The following PLPP4 variants were observed in gnomAD, a reference collection of about 807,000 sequenced individuals.
The protein encoded by PLPP4 is phospholipid phosphatase 4, also known as diacylglycerol pyrophosphate like 2.
PLPP4 carries 20 observed loss-of-function variants against 32.2 expected under a neutral mutation model. The observed-to-expected ratio is 0.62, with a 90% confidence interval of 0.44 to 0.90. The LOEUF is 0.90. Among genes scored for constraint, PLPP4 ranks in the 40% least tolerant of loss-of-function variants. The probability of loss-of-function intolerance (pLI) is 0.00; values close to 1 mark genes in which losing one functional copy is unlikely to be tolerated. For synonymous variants in PLPP4, 127 were observed against 133.0 expected (o/e 0.95, Z 0.31); for missense variants, 257 against 353.1 (o/e 0.73, Z 2.18).
At chr10:120,572,015 G>A (rs1564848194) in intron 5 of PLPP4, among the ~76,000 whole-genome samples, 1 of 152,196 alleles carries the variant, frequency 6.6e-6, no homozygotes, top group Admixed American at 6.5e-5. Context: ...CAAAGGCCCA[G>A]TAGCGTGTGG....
intron 1 of PLPP4, among the ~76,000 whole-genome samples, chr10:120,457,825 C>A (rs1847860623): frequency 6.6e-6 from 1 of 152,190 alleles, no homozygotes; most frequent in East Asian, 1.9e-4. Flanking sequence ...CTTTAGCGCC[C>A]GCGGTCCTGG....
intron 5 of PLPP4, among the ~76,000 whole-genome samples, chr10:120,531,931 T>A (rs1253617642): frequency 6.6e-6 from 1 of 151,868 alleles, no homozygotes; most frequent in African/African-American, 2.4e-5. Flanking sequence ...TATTTTATAC[T>A]TTTAAGTTCT....
At chr10:120,585,742 T>A (rs1409902080) in intron 6 of PLPP4, among the ~76,000 whole-genome samples, 1 of 152,196 alleles carries the variant, frequency 6.6e-6, no homozygotes, top group Admixed American at 6.5e-5. Context: ...GGGGTGAGGA[T>A]AAGTGGTGGT....
At chr10:120,553,356 G>C (rs1305738037) in intron 5 of PLPP4, among the ~76,000 whole-genome samples, 1 of 152,134 alleles carries the variant, frequency 6.6e-6, no homozygotes, top group Non-Finnish European at 1.5e-5. Flanking sequence ...AATGGGATTA[G>C]TGCCCTCCTA....
chr10:120,521,217 C>A (rs927486896), intron 5 of PLPP4, 122 bp downstream of exon 5: 49 of 1,214,630 alleles, frequency 4.0e-5, no homozygotes, highest in Admixed American at 5.3e-5. Context: ...CATTTTTCTT[C>A]ACTTTACGGC....
rs1849964505 is a variant in PLPP4 at position 120,590,615 on chromosome 10, T to C, written c.*1113T>C. The stretch of plus-strand genomic sequence containing the variant: ...CAGTCAATATGAACCTTTTTCAGTC[T>C]GAGTATAGAGCACGCTGCTCCTTGG... On this transcript the variant is annotated 3_prime_UTR_variant, in exon 7 of 7. Coordinates refer to ENST00000398250, the MANE Select transcript of PLPP4 (RefSeq NM_001030059.3). 1.3e-5 allele frequency among the ~76,000 whole-genome samples: 2 copies of C among 152,150 alleles called. No homozygotes were observed. Among genetic ancestry groups the C allele is most frequent in the Admixed American group, 6.5e-5 (1 of 15,284 alleles).
chr10:120,521,793 C>CAT (rs1564813049), intron 5 of PLPP4, among the ~76,000 whole-genome samples: 1 of 152,202 alleles, frequency 6.6e-6, no homozygotes, highest in Non-Finnish European at 1.5e-5. Context: ...TGGTGATGAT[C>CAT]GCTCACATTT....
rs1195893715 is a variant in PLPP4 at position 120,589,767 on chromosome 10, C to T, written c.*265C>T. ...TGGGGTTTGGGGAGCTTGGCCGATTCGTCTATCTGAAATGTTTGCTGTAAC... is the reference window on the plus strand; with the variant it reads ...TGGGGTTTGGGGAGCTTGGCCGATTTGTCTATCTGAAATGTTTGCTGTAAC... On this transcript the variant is annotated 3_prime_UTR_variant, in exon 7 of 7. Coordinates refer to ENST00000398250, the MANE Select transcript of PLPP4 (RefSeq NM_001030059.3). 1 of 414,688 alleles carries T rather than the reference C, an allele frequency of 2.4e-6. No homozygotes were observed. Among genetic ancestry groups the T allele is most frequent in the Non-Finnish European group, 4.3e-6 (1 of 232,290 alleles). The allele number at this position is 414,688 out of a possible 1,614,324, so 25.7% of individuals were successfully genotyped here.
chr10:120,477,130 C>T (rs997798613), intron 1 of PLPP4, among the ~76,000 whole-genome samples: 1 of 151,322 alleles, frequency 6.6e-6, no homozygotes, highest in African/African-American at 2.4e-5. Context: ...TCAAGAGGCT[C>T]GGACGAAGCT....
chr10:120,557,129 C>T (rs1848198231), intron 5 of PLPP4, among the ~76,000 whole-genome samples: 1 of 152,096 alleles, frequency 6.6e-6, no homozygotes, highest in African/African-American at 2.4e-5. Flanking sequence ...TCATGCTGAC[C>T]ATCGTAACAA....
At chr10:120,548,022 A>T (rs1197131522) in intron 5 of PLPP4, among the ~76,000 whole-genome samples, 2 of 152,090 alleles carry the variant, frequency 1.3e-5, no homozygotes, top group African/African-American at 2.4e-5. Context: ...GACCATGATG[A>T]TTGGTGTTAG....
intron 5 of PLPP4, among the ~76,000 whole-genome samples, chr10:120,573,947 C>T (rs904230781): frequency 1.3e-5 from 2 of 152,146 alleles, no homozygotes; most frequent in Admixed American, 1.3e-4. Context: ...ATTTATAATA[C>T]TCGTTTTGCC....
chr10:120,576,733 G>A lies in PLPP4; in HGVS notation c.616+1432G>A, dbSNP rs931186419. 5.8e-4 allele frequency among the ~76,000 whole-genome samples: 88 copies of A among 152,196 alleles called. 1 individual carries two copies. The highest frequency in any genetic ancestry group is 1.6e-4 in the Non-Finnish European group (11 of 68,040). ...TGGGGGAGGTCAGAAGAGGGTCACA[G>A]GTCTGAACCTGCCCTTGTTCTGTTT... is the stretch of plus-strand genomic sequence containing the variant. On this transcript the variant is annotated intron_variant, in intron 6 of 6. Transcript: ENST00000398250.
At chr10:120,565,430 C>T (rs950609596) in intron 5 of PLPP4, among the ~76,000 whole-genome samples, 10 of 151,268 alleles carry the variant, frequency 6.6e-5, no homozygotes, top group African/African-American at 2.4e-4. Context: ...TGGCCTTATT[C>T]AATATGGAAT....
chr10:120,497,227 G>C (rs1845012347), intron 1 of PLPP4, among the ~76,000 whole-genome samples: 2 of 152,164 alleles, frequency 1.3e-5, no homozygotes, highest in Non-Finnish European at 2.9e-5. Context: ...AAGGGGAGGG[G>C]TGTGTGGTTT....
At chr10:120,543,166 C>T (rs1010611688) in intron 5 of PLPP4, among the ~76,000 whole-genome samples, 2 of 152,196 alleles carry the variant, frequency 1.3e-5, no homozygotes, top group Admixed American at 6.5e-5. Context: ...AAGTGAGTAA[C>T]ATCACAGGGG....
At chr10:120,555,498 G>A (rs1848120390) in intron 5 of PLPP4, among the ~76,000 whole-genome samples, 1 of 152,204 alleles carries the variant, frequency 6.6e-6, no homozygotes, top group Non-Finnish European at 1.5e-5. Flanking sequence ...GAAGAGGTCA[G>A]CATCCATACT....
intron 1 of PLPP4, among the ~76,000 whole-genome samples, chr10:120,475,637 G>A (rs1048773728): frequency 2.0e-5 from 3 of 152,220 alleles, no homozygotes; most frequent in African/African-American, 7.2e-5. Context: ...TGATGAGTGA[G>A]CCCGGCCTTT....
At chr10:120,545,053 C>T (rs1847549232) in intron 5 of PLPP4, among the ~76,000 whole-genome samples, 1 of 152,208 alleles carries the variant, frequency 6.6e-6, no homozygotes, top group African/African-American at 2.4e-5. Context: ...CATTGCTGAT[C>T]AGAGTTCTGG....
Sources: allele counts gnomAD v4.1 joint callset (sites outside exome capture counted in the v4.1 genomes callset), GRCh38; gene constraint gnomAD v4.1.1; transcripts MANE v1.5; gene names NCBI Gene and HGNC (gene_info 2026-07-23, HGNC 2026-07-21).